PHYKPL: variants seen among roughly 807,000 people sequenced by gnomAD.
PHYKPL encodes the protein 5-phosphonooxy-L-lysine phospho-lyase.
A neutral mutation model predicts 51.3 loss-of-function variants in PHYKPL; 42 were observed. The ratio of observed to expected loss-of-function variants is 0.82; its 90% CI spans 0.64 to 1.06. The LOEUF is 1.06. Among genes scored for constraint, PHYKPL ranks in the 50% least tolerant of loss-of-function variants. The pLI is 0.00. For synonymous variants in PHYKPL, 264 were observed against 236.0 expected (o/e 1.12, Z -1.09); for missense variants, 655 against 586.6 (o/e 1.12, Z -1.20).
chr5:178,222,145 C>T (rs1314114628), intron 8 of PHYKPL, among the ~76,000 whole-genome samples: 1 of 152,174 alleles, frequency 6.6e-6, no homozygotes, highest in Non-Finnish European at 1.5e-5. Flanking sequence ...AAGACATGGT[C>T]CCTTGTGACA....
At chr5:178,217,253 C>T (rs1362249776) in intron 8 of PHYKPL, among the ~76,000 whole-genome samples, 2 of 146,788 alleles carry the variant, frequency 1.4e-5, no homozygotes, top group South Asian at 2.1e-4. Flanking sequence ...GAGACAGTCT[C>T]GCTGTCACCC....
downstream of PHYKPL, among the ~76,000 whole-genome samples, chr5:178,207,399 C>G (rs1048672863): frequency 2.0e-5 from 3 of 152,276 alleles, no homozygotes; most frequent in South Asian, 4.1e-4. Flanking sequence ...TGAAAGACTT[C>G]TCAGGCTGGG....
chr5:178,222,760 C>A, intron 7 of PHYKPL, 92 bp downstream of exon 7: 1 of 1,462,538 alleles, frequency 6.8e-7, no homozygotes, highest in South Asian at 1.2e-5. Flanking sequence ...TTCTGGCAGT[C>A]AGGACAGGCT....
chr5:178,219,347 G>GAC (rs1034512656), intron 8 of PHYKPL, among the ~76,000 whole-genome samples: 1 of 150,674 alleles, frequency 6.6e-6, no homozygotes, highest in Non-Finnish European at 1.5e-5. Flanking sequence ...CACACACACA[G>GAC]ACACACACAC....
Position 178,223,289 on chromosome 5 carries a change from A to G in PHYKPL, c.619-355T>C, listed in dbSNP as rs114354953. On this transcript the variant is annotated intron_variant, in intron 6 of 12. Transcript: ENST00000308158. Reference sequence around the variant, plus strand: ...GGATTCTACCTCAGCCCCCTCTCTAAACCTACTCCTTGCCCTCTGCCTGGA... The same window carrying G: ...GGATTCTACCTCAGCCCCCTCTCTAGACCTACTCCTTGCCCTCTGCCTGGA... 18 of 442,466 alleles carry G rather than the reference A, an allele frequency of 4.1e-5. No homozygotes were observed. In the Admixed American group the frequency reaches 4.3e-4, roughly 11 times the overall value. 27.4% of individuals were successfully genotyped at this position (442,466 alleles called of 1,614,324 possible).
intron 1 of PHYKPL, 33 bp downstream of exon 1, chr5:178,232,459 G>GCGCCCCC (rs918168447): frequency 4.3e-5 from 59 of 1,372,920 alleles, no homozygotes; most frequent in Non-Finnish European, 7.5e-6. Context: ...GCGCAGCCCC[G>GCGCCCCC]CGCCCCCCGC....
intron 8 of PHYKPL, 120 bp from the exon 9 acceptor site, chr5:178,215,550 C>G (rs1438498893): frequency 9.6e-6 from 12 of 1,250,680 alleles, no homozygotes; most frequent in Non-Finnish European, 1.3e-5. Context: ...GCAGAGGCCC[C>G]AAACCCCTTA....
At chr5:178,217,634 G>T (rs913913519) in intron 8 of PHYKPL, among the ~76,000 whole-genome samples, 6 of 151,656 alleles carry the variant, frequency 4.0e-5, no homozygotes, top group Non-Finnish European at 8.8e-5. Flanking sequence ...TGAGGCGGGT[G>T]GATCATGAGG....
Position 178,225,393 on chromosome 5 carries a change from G to A in PHYKPL, c.375C>T (p.Arg125=), listed in dbSNP as rs1465244339. ...CCACGTCCTGGTGTCCCGTGTAGTG[G>A]CGAGCCAGCCTCAGGGCCAGGTCAT... ...EANDLALRLA[R]HYTGHQDVVV... is the part of the protein sequence containing the mutation. Residue 125 remains arginine (R), a synonymous_variant, in exon 4 of 13, where the codon CGC becomes CGT. Coordinates refer to ENST00000308158, the MANE Select transcript of PHYKPL (RefSeq NM_153373.4). The A allele has an allele frequency of 1.4e-5, 23 of 1,614,082 alleles. No individual in the cohort carries two copies. The highest frequency in any genetic ancestry group is 1.7e-5 in the Non-Finnish European group (20 of 1,180,048).
rs766608213 is a variant in PHYKPL, at chr5:178,224,572, G to A, written c.502-8C>T. 8.7e-6 allele frequency: 14 copies of A among 1,614,148 alleles called. No homozygotes were observed. In the South Asian group the frequency reaches 1.2e-4, roughly 14 times the overall value. ...GGTGTCTGGGAGAGGTGCCTGTGGG[G>A]AGTGACAGCGCCATGTTATCCGGGC... On this transcript the variant is annotated splice_polypyrimidine_tract_variant and splice_region_variant and intron_variant, in intron 5 of 12. Coordinates refer to ENST00000308158, the MANE Select transcript of PHYKPL (RefSeq NM_153373.4).
chr5:178,218,216 C>CAAAAAAAAAAAA (rs777929826), intron 8 of PHYKPL, among the ~76,000 whole-genome samples: 2 of 58,280 alleles, frequency 3.4e-5, no homozygotes, highest in Non-Finnish European at 5.9e-5. Flanking sequence ...AACTCCGTCT[C>CAAAAAAAAAAAA]AAAAAAAAAA....
chr5:178,209,316 C>G (rs778444767), intron 12 of PHYKPL: 20 of 1,610,956 alleles, frequency 1.2e-5, no homozygotes, highest in Non-Finnish European at 1.4e-5. Context: ...GACCACTGTC[C>G]TCTTGACTTT....
intron 12 of PHYKPL, chr5:178,210,160 C>T (rs758543065): frequency 1.1e-5 from 17 of 1,613,884 alleles, no homozygotes; most frequent in Non-Finnish European, 1.4e-5. Flanking sequence ...ATCAGGGCTA[C>T]GGCAACTACT....
At chr5:178,213,459 C>G (rs56191790) in intron 10 of PHYKPL, among the ~76,000 whole-genome samples, 3,630 of 152,254 alleles carry the variant, frequency 0.024, 98 homozygotes, top group African/African-American at 0.074. Flanking sequence ...ATATTGTTTC[C>G]TTATATAGAG....
At chr5:178,216,166 G>A (rs1032695192) in intron 8 of PHYKPL, 1 of 150,486 alleles carries the variant, frequency 6.6e-6, no homozygotes, top group Non-Finnish European at 1.5e-5. Flanking sequence ...ACTGGACCCA[G>A]GCATCCACTG....
chr5:178,215,285 C>T lies in PHYKPL; in HGVS notation c.1073G>A (p.Gly358Glu), dbSNP rs1759535773. Residue 358 changes from glycine to glutamate, a missense_variant, in exon 9 of 13, where the codon GGG becomes GAG. Physicochemically the swap from Gly to Glu is moderately conservative, Grantham distance 98. Coordinates refer to ENST00000308158, the MANE Select transcript of PHYKPL (RefSeq NM_153373.4). ...GQQKIKHPIV[G>E]DVRGVGLFIG... ...GCCCCCAGAGCCTCACCTGACATCC[C>T]CGACGATGGGATGTTTGATTTTTTG... 2 of 1,614,022 alleles carry T rather than the reference C, an allele frequency of 1.2e-6. No homozygotes were observed. The highest frequency in any genetic ancestry group is 8.5e-7 in the Non-Finnish European group (1 of 1,179,974).
intron 12 of PHYKPL, chr5:178,209,409 G>A (rs767357642): frequency 1.3e-5 from 21 of 1,613,968 alleles, no homozygotes; most frequent in South Asian, 8.8e-5. Flanking sequence ...AACCGCAACC[G>A]AGGGAACCGA....
In PHYKPL at chr5:178,224,441, C is replaced by T. The variant is rs200186200; in HGVS notation, c.618+7G>A. On this transcript the variant is annotated splice_region_variant and intron_variant, in intron 6 of 12. Coordinates refer to ENST00000308158, the MANE Select transcript of PHYKPL (RefSeq NM_153373.4). Reference sequence around the variant, plus strand: ...TGGCTGGATTGGACAGGCGCGGACACGGTTACCTTCCTGCCCTTCTCCTGT... The same window carrying T: ...TGGCTGGATTGGACAGGCGCGGACATGGTTACCTTCCTGCCCTTCTCCTGT... 49 of 1,566,248 alleles carry T rather than the reference C, an allele frequency of 3.1e-5. 1 individual carries two copies. In the Admixed American group the frequency reaches 5.7e-4, roughly 18 times the overall value.
intron 10 of PHYKPL, among the ~76,000 whole-genome samples, chr5:178,214,503 G>A (rs1759339179): frequency 6.6e-6 from 1 of 152,156 alleles, no homozygotes; most frequent in African/African-American, 2.4e-5. Flanking sequence ...TGCTAGCTTG[G>A]GCATTCTAGG....
Sources: gnomAD v4.1 joint callset for allele counts (sites outside exome capture counted in the v4.1 genomes callset) on GRCh38, gnomAD v4.1.1 for gene constraint, MANE v1.5 for transcripts, NCBI Gene and HGNC (gene_info 2026-07-23, HGNC 2026-07-21) for gene names.